The following LPAR1 variants were observed in gnomAD, a reference collection of about 807,000 sequenced individuals.
The protein encoded by LPAR1 is LPA receptor 1.
In LPAR1, 5 loss-of-function variants were observed where a neutral mutation model predicts 23.8. That is an observed-to-expected ratio of 0.21 (90% CI 0.11 to 0.44). The LOEUF (loss-of-function observed/expected upper bound fraction) is 0.44, where lower values mean the gene tolerates loss of function less well. LPAR1 is among the 20% of genes least tolerant of loss of function. The pLI, the probability that LPAR1 is intolerant of heterozygous loss-of-function variation, is 0.99. For missense variants in LPAR1, 311 were observed against 482.8 expected, an observed-to-expected ratio of 0.64 and a Z score of 3.33; for synonymous variants, 160 against 164.7, an observed-to-expected ratio of 0.97 and a Z score of 0.22.
At position 110,889,813 on chromosome 9, in the gene LPAR1, T is replaced by C. The variant is rs74463659; in HGVS notation, c.794-14091A>G. ...ATTAAGTGATTGTGTTATATCCAAA[T>C]GGAATATCTAACAGACTAGAAATCC... On this transcript the variant is annotated intron_variant, in intron 5 of 5. Coordinates refer to ENST00000683809, the MANE Select transcript of LPAR1 (RefSeq NM_001351411.2). 2.2e-3 allele frequency among the ~76,000 whole-genome samples: 340 copies of C among 152,308 alleles called. 3 individuals are homozygous for C. Among genetic ancestry groups the C allele is most frequent in the East Asian group, 0.014 (73 of 5,188 alleles).
intron 2 of LPAR1, among the ~76,000 whole-genome samples, chr9:111,010,628 G>A (rs2140551671): frequency 1.3e-5 from 2 of 152,206 alleles, no homozygotes. Flanking sequence ...CTTTCTTAAT[G>A]ACATAAAAAC....
intron 5 of LPAR1, among the ~76,000 whole-genome samples, chr9:110,881,954 A>G (rs2132561668): frequency 6.6e-6 from 1 of 152,274 alleles, no homozygotes; most frequent in Non-Finnish European, 1.5e-5. Context: ...TTCCAGTCAC[A>G]CAGACCAAGC....
intron 5 of LPAR1, among the ~76,000 whole-genome samples, chr9:110,928,125 G>A (rs1016551816): frequency 2.4e-4 from 37 of 152,080 alleles, no homozygotes; most frequent in Non-Finnish European, 5.3e-4. Context: ...ATCAGTAACT[G>A]CAGAAGGACA....
At chr9:110,954,583 C>T (rs1384526152) in intron 4 of LPAR1, among the ~76,000 whole-genome samples, 3 of 152,056 alleles carry the variant, frequency 2.0e-5, no homozygotes, top group Non-Finnish European at 4.4e-5. Flanking sequence ...AAACAAAAAG[C>T]ATCAAGTCAC....
At position 110,873,809 on chromosome 9, in the gene LPAR1, G is replaced by T. The variant is rs2078575030; in HGVS notation, c.*1612C>A. On this transcript the variant is annotated 3_prime_UTR_variant, in exon 6 of 6. Coordinates refer to ENST00000683809, the MANE Select transcript of LPAR1 (RefSeq NM_001351411.2). The stretch of plus-strand genomic sequence containing the variant: ...AATCCTTTATTCACTCGGCACATTT[G>T]GTTTCTTTGCATTTTCTTCCATTTT... 1 of 152,142 alleles carries T rather than the reference G, an allele frequency of 6.6e-6. No individual in the cohort carries two copies. Among genetic ancestry groups the T allele is most frequent in the South Asian group, 2.1e-4 (1 of 4,822 alleles). 9.4% of individuals were successfully genotyped at this position (152,142 alleles called of 1,614,324 possible).
In LPAR1 at chr9:110,961,885, A is replaced by G. The variant is rs139994767; in HGVS notation, c.45+10188T>C. 6.7e-3 allele frequency among the ~76,000 whole-genome samples: 1,022 copies of G among 152,256 alleles called. 11 individuals are homozygous for G. The highest frequency in any genetic ancestry group is 0.022 in the African/African-American group (922 of 41,538). On this transcript the variant is annotated intron_variant, in intron 4 of 5. Transcript: ENST00000683809. The stretch of plus-strand genomic sequence containing the variant: ...TTACCTCCCACCAGGTCCCTCCCAC[A>G]ACATGAGGATTATGGGAGCTACGAT...
intron 5 of LPAR1, among the ~76,000 whole-genome samples, chr9:110,878,188 A>G (rs544276): frequency 0.24 from 36,058 of 152,002 alleles, 4,760 homozygotes; most frequent in East Asian, 0.32. Flanking sequence ...TTGGATCTTC[A>G]AGACTCAATC....
chr9:110,984,069 G>A (rs1276992297), intron 2 of LPAR1, among the ~76,000 whole-genome samples: 2 of 151,974 alleles, frequency 1.3e-5, no homozygotes. Flanking sequence ...CATGGTAAAT[G>A]GGTACGCATC....
At chr9:110,905,642 G>A (rs544067393) in intron 5 of LPAR1, among the ~76,000 whole-genome samples, 20 of 152,116 alleles carry the variant, frequency 1.3e-4, no homozygotes, top group African/African-American at 4.6e-4. Flanking sequence ...TGTGAGCCAC[G>A]GCACCCAGCC....
At chr9:110,925,254 T>TTA (rs1476046023) in intron 5 of LPAR1, among the ~76,000 whole-genome samples, 3 of 149,432 alleles carry the variant, frequency 2.0e-5, no homozygotes, top group African/African-American at 4.9e-5. Flanking sequence ...ATATATTTAA[T>TTA]TATATATATA....
Position 110,975,677 on chromosome 9 carries a change from C to A in LPAR1, c.-181-2119G>T, listed in dbSNP as rs145703437. Among the ~76,000 whole-genome samples the A allele has an allele frequency of 6.4e-3, 970 of 152,238 alleles. 11 individuals are homozygous for A. Among genetic ancestry groups the A allele is most frequent in the African/African-American group, 0.022 (927 of 41,554 alleles). On this transcript the variant is annotated intron_variant, in intron 2 of 5. Transcript: ENST00000683809. ...GAAAGTCAGATGACCTGCAGAGTAA[C>A]CCTGAGACAGAGAACCTTGTGCTCT...
intron 2 of LPAR1, among the ~76,000 whole-genome samples, chr9:111,029,473 G>C (rs915441829): frequency 6.6e-6 from 1 of 151,860 alleles, no homozygotes; most frequent in African/African-American, 2.4e-5. Flanking sequence ...GTCAATTTCA[G>C]GCACTCCTCC....
chr9:110,961,607 G>A lies in LPAR1; in HGVS notation c.45+10466C>T, dbSNP rs1269464804. Among the ~76,000 whole-genome samples the A allele has an allele frequency of 9.3e-5, 11 of 118,752 alleles. No homozygotes were observed. The South Asian group carries it at 1.2e-3, about 13-fold the overall frequency. The allele number at this position is 118,752 out of a possible 152,430, so 77.9% of individuals were successfully genotyped here. On this transcript the variant is annotated intron_variant, in intron 4 of 5. Coordinates refer to ENST00000683809, the MANE Select transcript of LPAR1 (RefSeq NM_001351411.2). ...TGCACTTCAGCCTGGGTGACAGAGCGAGACTATCTCAAAAAAAAAAAAAAA... is the reference window on the plus strand; with the variant it reads ...TGCACTTCAGCCTGGGTGACAGAGCAAGACTATCTCAAAAAAAAAAAAAAA...
rs112893547 is a variant in LPAR1 at position 110,998,076 on chromosome 9, G to A, written c.-181-24518C>T. On this transcript the variant is annotated intron_variant, in intron 2 of 5. Transcript: ENST00000683809. Reference sequence around the variant, plus strand: ...TTCAGTAGGTCTGGGGTGGATCCAAGAATTTGCATTTATTAACAAATCTCC... The same window carrying A: ...TTCAGTAGGTCTGGGGTGGATCCAAAAATTTGCATTTATTAACAAATCTCC... 9.1e-3 allele frequency among the ~76,000 whole-genome samples: 1,391 copies of A among 152,264 alleles called. 20 individuals carry two copies. Among genetic ancestry groups the A allele is most frequent in the African/African-American group, 0.032 (1,314 of 41,552 alleles).
At chr9:111,024,709 C>T (rs979165195) in intron 2 of LPAR1, among the ~76,000 whole-genome samples, 1 of 151,276 alleles carries the variant, frequency 6.6e-6, no homozygotes, top group African/African-American at 2.4e-5. Context: ...TTGTCCCCCA[C>T]CCCCCAACAG....
chr9:111,025,129 T>C (rs146057719), intron 2 of LPAR1, among the ~76,000 whole-genome samples: 1,525 of 152,288 alleles, frequency 0.01, 30 homozygotes, highest in African/African-American at 0.034. Flanking sequence ...CACCACACTG[T>C]CTTCCACAAT....
At chr9:110,944,265 C>A (rs535529248) in intron 4 of LPAR1, among the ~76,000 whole-genome samples, 1 of 152,236 alleles carries the variant, frequency 6.6e-6, no homozygotes, top group South Asian at 2.1e-4. Flanking sequence ...TCTGTTGATC[C>A]CCTCTACACT....
At chr9:110,992,147 T>C (rs1452657945) in intron 2 of LPAR1, among the ~76,000 whole-genome samples, 1 of 152,196 alleles carries the variant, frequency 6.6e-6, no homozygotes, top group Non-Finnish European at 1.5e-5. Flanking sequence ...TTTCAAAGTA[T>C]ATGTCCATAA....
chr9:111,029,667 T>C (rs1362335085), intron 2 of LPAR1, among the ~76,000 whole-genome samples: 1 of 152,156 alleles, frequency 6.6e-6, no homozygotes, highest in Non-Finnish European at 1.5e-5. Flanking sequence ...CATCACTACC[T>C]ACCTGATCTT....
Sources: gnomAD v4.1 joint callset for allele counts (sites outside exome capture counted in the v4.1 genomes callset) on GRCh38, gnomAD v4.1.1 for gene constraint, MANE v1.5 for transcripts, NCBI Gene and HGNC (gene_info 2026-07-23, HGNC 2026-07-21) for gene names.